PKD2L2: variants seen among roughly 807,000 people sequenced by gnomAD.
PKD2L2 encodes the protein polycystin 2 like 2, transient receptor potential cation channel.
A neutral mutation model predicts 83.9 loss-of-function variants in PKD2L2; 67 were observed. The observed-to-expected ratio is 0.80, with a 90% confidence interval of 0.66 to 0.98. PKD2L2 has a LOEUF of 0.98. PKD2L2 is among the 50% of genes least tolerant of loss of function. The pLI is 0.00. For synonymous variants in PKD2L2, 223 were observed against 237.8 expected (o/e 0.94, Z 0.57); for missense variants, 632 against 717.2 (o/e 0.88, Z 1.36).
intron 14 of PKD2L2, chr5:137,940,305 T>C: frequency 6.2e-7 from 1 of 1,609,470 alleles, no homozygotes; most frequent in Non-Finnish European, 8.5e-7. Context: ...TTGTACTCTC[T>C]GTACTCCTCA....
intron 8 of PKD2L2, among the ~76,000 whole-genome samples, chr5:137,914,126 G>C (rs895372171): frequency 7.4e-6 from 1 of 135,306 alleles, no homozygotes. Context: ...CTGGGCTCAA[G>C]AGACTCATCC....
intron 3 of PKD2L2, among the ~76,000 whole-genome samples, chr5:137,893,608 G>T (rs1476466659): frequency 6.6e-6 from 1 of 152,142 alleles, no homozygotes; most frequent in East Asian, 1.9e-4. Context: ...TCTACATGTG[G>T]AGCTATGTTT....
At chr5:137,936,274 AAAGTTT>A in intron 13 of PKD2L2, 40 bp from the exon 14 acceptor site, 1 of 1,485,294 alleles carries the variant, frequency 6.7e-7, no homozygotes, top group Non-Finnish European at 9.1e-7. Flanking sequence ...TCTATACATG[AAAGTTT>A]ATTACTGACT....
chr5:137,933,071 C>T (rs1023968221), intron 12 of PKD2L2, among the ~76,000 whole-genome samples: 1 of 146,002 alleles, frequency 6.8e-6, no homozygotes, highest in Non-Finnish European at 1.5e-5. Context: ...AAAAAACCCA[C>T]GACCTTTCTC....
chr5:137,938,061 T>C (rs1295610882), intron 14 of PKD2L2: 1 of 152,214 alleles, frequency 6.6e-6, no homozygotes, highest in East Asian at 1.9e-4. Flanking sequence ...ATATTATTTG[T>C]ATATAGATAT....
At chr5:137,940,139 C>T (rs2150086570) in intron 14 of PKD2L2, 4 of 1,613,904 alleles carry the variant, frequency 2.5e-6, no homozygotes, top group South Asian at 1.1e-5. Context: ...CCTGACAAAA[C>T]GAATTTAAGT....
rs2150113442 is a variant in PKD2L2 at position 137,942,376 on chromosome 5, T to C, written c.*18-8T>C. 3.8e-6 allele frequency: 1 copy of C among 263,890 alleles called. No homozygotes were observed. The highest frequency in any genetic ancestry group is 7.2e-6 in the Non-Finnish European group (1 of 139,260). 16.3% of individuals were successfully genotyped at this position (263,890 alleles called of 1,614,324 possible). ...TGTAGGATTTTATTTGTTTGTTTCCTTTTTTAGAGACAGAGTCTCACTCTG... is the reference window on the plus strand; with the variant it reads ...TGTAGGATTTTATTTGTTTGTTTCCCTTTTTAGAGACAGAGTCTCACTCTG... On this transcript the variant is annotated splice_polypyrimidine_tract_variant and splice_region_variant and intron_variant, in intron 14 of 14. Coordinates refer to ENST00000508883, the MANE Select transcript of PKD2L2 (RefSeq NM_001300921.2).
At chr5:137,896,197 A>G (rs905712672) in intron 4 of PKD2L2, among the ~76,000 whole-genome samples, 2 of 151,860 alleles carry the variant, frequency 1.3e-5, no homozygotes, top group Non-Finnish European at 2.9e-5. Context: ...AAAAAAATTG[A>G]GAAGAGAATA....
At chr5:137,941,178 T>C (rs1761678101) in intron 14 of PKD2L2, among the ~76,000 whole-genome samples, 2 of 152,056 alleles carry the variant, frequency 1.3e-5, no homozygotes, top group African/African-American at 4.8e-5. Context: ...AAAGTGCTGG[T>C]ATTACAGACG....
At chr5:137,934,118 A>G (rs1434490455) in intron 12 of PKD2L2, among the ~76,000 whole-genome samples, 1 of 152,178 alleles carries the variant, frequency 6.6e-6, no homozygotes, top group Non-Finnish European at 1.5e-5. Flanking sequence ...AAGGGCCAAT[A>G]TGAACATGAA....
intron 12 of PKD2L2, among the ~76,000 whole-genome samples, chr5:137,926,958 A>G (rs1008653154): frequency 6.6e-6 from 1 of 152,194 alleles, no homozygotes; most frequent in Non-Finnish European, 1.5e-5. Flanking sequence ...ACTATACAAG[A>G]TGAGTCTGGA....
intron 1 of PKD2L2, 93 bp from the exon 2 acceptor site, chr5:137,890,388 G>A: frequency 2.9e-6 from 2 of 697,746 alleles, no homozygotes; most frequent in Non-Finnish European, 5.0e-6. Flanking sequence ...CCTCCCCGCA[G>A]TGTAAGGACT....
At chr5:137,923,840 C>T (rs1759144270) in intron 10 of PKD2L2, among the ~76,000 whole-genome samples, 1 of 152,138 alleles carries the variant, frequency 6.6e-6, no homozygotes, top group Non-Finnish European at 1.5e-5. Context: ...CTCTTCCTTC[C>T]GGAAAGTTTT....
chr5:137,912,230 T>G (rs1214342883), intron 8 of PKD2L2, among the ~76,000 whole-genome samples: 1 of 152,202 alleles, frequency 6.6e-6, no homozygotes, highest in Non-Finnish European at 1.5e-5. Flanking sequence ...GGAGTATCAA[T>G]ACTGTTTGGC....
At chr5:137,894,264 A>G (rs1756249280) in intron 3 of PKD2L2, 89 bp from the exon 4 acceptor site, 4 of 1,134,968 alleles carry the variant, frequency 3.5e-6, no homozygotes, top group South Asian at 1.5e-5. Context: ...TGATTTTCAT[A>G]CTCAAAATCT....
chr5:137,936,174 G>A, intron 13 of PKD2L2, 146 bp from the exon 14 acceptor site: 1 of 683,930 alleles, frequency 1.5e-6, no homozygotes, highest in Non-Finnish European at 2.4e-6. Context: ...CATAGCTTTA[G>A]AATATTAGAT....
intron 8 of PKD2L2, among the ~76,000 whole-genome samples, chr5:137,911,652 TATC>T (rs1418933088): frequency 3.9e-5 from 6 of 152,234 alleles, no homozygotes; most frequent in Admixed American, 2.0e-4. Flanking sequence ...CTCTCATATT[TATC>T]ATTTTTGTGG....
At chr5:137,893,353 A>T (rs1237737342) in intron 3 of PKD2L2, among the ~76,000 whole-genome samples, 1 of 152,200 alleles carries the variant, frequency 6.6e-6, no homozygotes, top group Non-Finnish European at 1.5e-5. Context: ...TTCCTTCAGC[A>T]GTGGAATAGA....
intron 8 of PKD2L2, among the ~76,000 whole-genome samples, chr5:137,912,341 C>T (rs1191647393): frequency 1.3e-5 from 2 of 152,098 alleles, no homozygotes; most frequent in Admixed American, 6.6e-5. Flanking sequence ...AAGAGCCATT[C>T]TAACAGGTGT....
Sources: allele counts gnomAD v4.1 joint callset (sites outside exome capture counted in the v4.1 genomes callset), GRCh38; gene constraint gnomAD v4.1.1; transcripts MANE v1.5; gene names NCBI Gene and HGNC (gene_info 2026-07-23, HGNC 2026-07-21).